Variants in IGF1R observed in about 807,000 individuals in gnomAD.
IGF1R encodes insulin-like growth factor 1 receptor.
In IGF1R, 44 loss-of-function variants were observed where a neutral mutation model predicts 144.6. The ratio of observed to expected loss-of-function variants is 0.30; its 90% CI spans 0.24 to 0.39. The LOEUF (loss-of-function observed/expected upper bound fraction) is 0.39. Among genes scored for constraint, IGF1R ranks in the 10% least tolerant of loss-of-function variants. The pLI is 1.00. For synonymous variants in IGF1R, 795 were observed against 722.8 expected (o/e 1.10, Z -1.60); for missense variants, 1,355 against 1,833.7 (o/e 0.74, Z 4.77).
chr15:98,916,621 G>A (rs1409165149), intron 9 of IGF1R, 51 bp from the exon 10 acceptor site: 3 of 1,469,494 alleles, frequency 2.0e-6, no homozygotes, highest in Non-Finnish European at 2.9e-6. Context: ...TTACAAGCAT[G>A]TATAACGGCT....
intron 2 of IGF1R, among the ~76,000 whole-genome samples, chr15:98,806,602 G>A (rs530009261): frequency 1.1e-4 from 17 of 152,298 alleles, no homozygotes; most frequent in Admixed American, 9.8e-4. Context: ...GACGCCTAAG[G>A]AAATTATCTC....
intron 5 of IGF1R, among the ~76,000 whole-genome samples, chr15:98,908,339 G>A (rs2151669593): frequency 6.6e-6 from 1 of 152,340 alleles, no homozygotes; most frequent in South Asian, 2.1e-4. Context: ...CTCATGGACT[G>A]CTTTCAAGCA....
At chr15:98,893,065 C>T (rs563460696) in intron 3 of IGF1R, among the ~76,000 whole-genome samples, 1 of 152,308 alleles carries the variant, frequency 6.6e-6, no homozygotes, top group African/African-American at 2.4e-5. Context: ...ATGCCTCCTT[C>T]ATGATTAGCA....
chr15:98,769,487 G>A (rs1348374985), intron 2 of IGF1R, among the ~76,000 whole-genome samples: 1 of 152,164 alleles, frequency 6.6e-6, no homozygotes, highest in African/African-American at 2.4e-5. Flanking sequence ...CAACAACAGT[G>A]CTACAGGTGA....
chr15:98,937,271 C>T (rs1327452474), intron 17 of IGF1R, among the ~76,000 whole-genome samples: 1 of 152,124 alleles, frequency 6.6e-6, no homozygotes, highest in African/African-American at 2.4e-5. Context: ...GTATTTCTTG[C>T]CAGCATCGAT....
chr15:98,720,262 C>T (rs1309814068), intron 2 of IGF1R, among the ~76,000 whole-genome samples: 2 of 152,168 alleles, frequency 1.3e-5, no homozygotes, highest in African/African-American at 4.8e-5. Context: ...GCTTCATGAT[C>T]GGGGGAATTT....
rs547730354 is a variant in IGF1R, at chr15:98,944,340, T to A, written c.3587+1288T>A. Among the ~76,000 whole-genome samples, 4 of 152,342 alleles carry A rather than the reference T, an allele frequency of 2.6e-5. 1 individual carries two copies. The East Asian group carries it at 7.7e-4, about 29-fold the overall frequency. On this transcript the variant is annotated intron_variant, in intron 19 of 20. Coordinates refer to ENST00000650285, the MANE Select transcript of IGF1R (RefSeq NM_000875.5). ...GGACCTAGAGTGTGTTCATTGCCAA[T>A]TCTGTCCATTTGGCTACATAACTAC...
In IGF1R at chr15:98,958,316, C is replaced by T. The variant is rs34875596; in HGVS notation, c.*874C>T. On this transcript the variant is annotated 3_prime_UTR_variant, in exon 21 of 21. Coordinates refer to ENST00000650285, the MANE Select transcript of IGF1R (RefSeq NM_000875.5). ...CCTGCCTCCCCAGCCCCCTGCCCAA[C>T]CCCCAAGAATCTGGTGGCCATGGGC... 0.064 allele frequency: 13,417 copies of T among 210,988 alleles called. 770 individuals carry two copies. Among genetic ancestry groups the T allele is most frequent in the African/African-American group, 0.17 (7,261 of 43,542 alleles). The allele number at this position is 210,988 out of a possible 1,614,324, so 13.1% of individuals were successfully genotyped here.
chr15:98,906,992 G>A (rs555389012), intron 5 of IGF1R, among the ~76,000 whole-genome samples: 24 of 152,350 alleles, frequency 1.6e-4, no homozygotes, highest in African/African-American at 4.6e-4. Flanking sequence ...TGCAGATTCC[G>A]TGGTGGCTCT....
At chr15:98,851,809 T>C (rs1300434877) in intron 2 of IGF1R, among the ~76,000 whole-genome samples, 3 of 152,244 alleles carry the variant, frequency 2.0e-5, no homozygotes, top group Admixed American at 6.5e-5. Context: ...TAACTGCTTA[T>C]TTCTTGTCAA....
intron 2 of IGF1R, among the ~76,000 whole-genome samples, chr15:98,886,776 C>T (rs1394490123): frequency 6.6e-6 from 1 of 152,120 alleles, no homozygotes; most frequent in Non-Finnish European, 1.5e-5. Context: ...TATTTATATA[C>T]ATTGAGATGA....
chr15:98,676,682 GTT>G (rs1716996918), intron 1 of IGF1R, among the ~76,000 whole-genome samples: 1 of 152,080 alleles, frequency 6.6e-6, no homozygotes, highest in African/African-American at 2.4e-5. Flanking sequence ...AATTCATTAG[GTT>G]TTGATTGTTA....
chr15:98,784,780 A>T (rs1484816442), intron 2 of IGF1R, among the ~76,000 whole-genome samples: 1 of 152,210 alleles, frequency 6.6e-6, no homozygotes, highest in South Asian at 2.1e-4. Flanking sequence ...AACTTTTTAT[A>T]CAGCATTTGT....
intron 17 of IGF1R, among the ~76,000 whole-genome samples, chr15:98,937,100 G>T (rs1234458919): frequency 3.3e-5 from 5 of 152,134 alleles, no homozygotes; most frequent in Non-Finnish European, 7.4e-5. Context: ...TGGCCAGGCT[G>T]GTCTTGAACT....
rs1293479521 is a variant in IGF1R, at chr15:98,963,387, T to A, written c.*5945T>A. The A allele has an allele frequency of 4.3e-6, 1 of 233,324 alleles. No individual in the cohort carries two copies. The highest frequency in any genetic ancestry group is 6.0e-5 in the East Asian group (1 of 16,612). The allele number at this position is 233,324 out of a possible 1,614,324, so 14.5% of individuals were successfully genotyped here. A position where few individuals can be genotyped will look rare whatever the true frequency, so the allele number is the denominator to read the frequency against. Reference sequence around the variant, plus strand: ...AAAAAGTAGTTCTGTATCTTCAGTATCTTGGTCTTCCAGAACCCTCTGGTT... The same window carrying A: ...AAAAAGTAGTTCTGTATCTTCAGTAACTTGGTCTTCCAGAACCCTCTGGTT... On this transcript the variant is annotated 3_prime_UTR_variant, in exon 21 of 21. Transcript: ENST00000650285.
At chr15:98,663,456 G>A (rs61246828) in intron 1 of IGF1R, among the ~76,000 whole-genome samples, 14,506 of 152,264 alleles carry the variant, frequency 0.095, 1,002 homozygotes, top group African/African-American at 0.18. Flanking sequence ...TAGAAAAGTG[G>A]AGGAACTGTC....
At chr15:98,931,823 C>G (rs1487751077) in intron 15 of IGF1R, among the ~76,000 whole-genome samples, 6 of 152,154 alleles carry the variant, frequency 3.9e-5, no homozygotes, top group African/African-American at 1.4e-4. Flanking sequence ...CACCACTGCA[C>G]TACAGCCTAT....
intron 5 of IGF1R, among the ~76,000 whole-genome samples, chr15:98,901,293 T>C (rs1435169658): frequency 6.6e-6 from 1 of 152,216 alleles, no homozygotes; most frequent in South Asian, 2.1e-4. Context: ...CCAGTAGTCC[T>C]GCAGCTCCAA....
In IGF1R at chr15:98,957,672, C is replaced by T. The variant is rs1215111062; in HGVS notation, c.*230C>T. The T allele has an allele frequency of 8.3e-6, 5 of 598,994 alleles. No homozygotes were observed. Among genetic ancestry groups the T allele is most frequent in the South Asian group, 8.1e-5 (4 of 49,650 alleles). The allele number at this position is 598,994 out of a possible 1,614,324, so 37.1% of individuals were successfully genotyped here. ...ATTCCCTGCCCAAACCCTTAACTGA[C>T]ATGGGCCTTTAAGAACCTTAATGAC... On this transcript the variant is annotated 3_prime_UTR_variant, in exon 21 of 21. Transcript: ENST00000650285.
Sources: allele counts gnomAD v4.1 joint callset (sites outside exome capture counted in the v4.1 genomes callset), GRCh38; gene constraint gnomAD v4.1.1; transcripts MANE v1.5; gene names NCBI Gene and HGNC (gene_info 2026-07-23, HGNC 2026-07-21).